Variants in MTMR3 observed in about 807,000 individuals in gnomAD.
MTMR3 encodes phosphatidylinositol-3,5-bisphosphate 3-phosphatase MTMR3.
Under a neutral mutation model 132.4 loss-of-function variants are expected in MTMR3, and 32 were observed. The observed-to-expected ratio is 0.24, with a 90% CI of 0.18 to 0.32. The LOEUF is 0.32. MTMR3 is among the 10% of genes least tolerant of loss of function. The pLI is 1.00. For missense variants in MTMR3, 1,216 were observed against 1,489.6 expected, an observed-to-expected ratio of 0.82 and a Z score of 3.02; for synonymous variants, 556 against 550.3, an observed-to-expected ratio of 1.01 and a Z score of -0.14.
intron 1 of MTMR3, among the ~76,000 whole-genome samples, chr22:29,904,290 C>G (rs573312702): frequency 3.3e-5 from 5 of 152,220 alleles, no homozygotes; most frequent in Non-Finnish European, 7.3e-5. Context: ...TATATTGTTA[C>G]TTCTACTTTA....
intron 9 of MTMR3, chr22:30,005,862 CAT>C (rs779503001): frequency 2.0e-5 from 3 of 152,192 alleles, no homozygotes; most frequent in East Asian, 1.9e-4. Context: ...GCTAGTAAAA[CAT>C]AGAGTGCTTC....
rs35433786 is a variant in MTMR3 at position 29,948,799 on chromosome 22, T to TAA, written c.-137-8227_-137-8226dup. On this transcript the variant is annotated intron_variant, in intron 1 of 19. Coordinates refer to ENST00000401950, the MANE Select transcript of MTMR3 (RefSeq NM_021090.4). ...GAAATAATAAAAACATATTATTGTC[T>TAA]AAAAAAAAAAAGCCAAAAAACCCAG... Among the ~76,000 whole-genome samples, 277 of 145,458 alleles carry TAA rather than the reference T, an allele frequency of 1.9e-3. 3 individuals are homozygous for TAA. Among genetic ancestry groups the TAA allele is most frequent in the South Asian group, 0.012 (55 of 4,610 alleles).
chr22:30,004,779 C>T (rs1036809633), intron 9 of MTMR3: 21 of 152,206 alleles, frequency 1.4e-4, no homozygotes, highest in African/African-American at 5.1e-4. Context: ...AGAATCGGAT[C>T]CTCCACCATG....
At chr22:29,888,674 G>A (rs1381438329) in intron 1 of MTMR3, among the ~76,000 whole-genome samples, 3 of 151,918 alleles carry the variant, frequency 2.0e-5, no homozygotes, top group East Asian at 1.9e-4. Context: ...TGATAACTAC[G>A]GATATTCAGA....
At chr22:29,968,419 T>G (rs2066471628) in intron 2 of MTMR3, among the ~76,000 whole-genome samples, 1 of 152,216 alleles carries the variant, frequency 6.6e-6, no homozygotes, top group Non-Finnish European at 1.5e-5. Flanking sequence ...ATTAGGACAG[T>G]TTTTTAAAAG....
At chr22:29,933,076 C>T (rs1231863742) in intron 1 of MTMR3, among the ~76,000 whole-genome samples, 1 of 152,142 alleles carries the variant, frequency 6.6e-6, no homozygotes. Flanking sequence ...TCAAGCGATT[C>T]TCCTGCTTCA....
intron 14 of MTMR3, chr22:30,015,801 A>G (rs994589192): frequency 2.0e-5 from 3 of 152,090 alleles, no homozygotes; most frequent in Admixed American, 1.3e-4. Context: ...TTCATTTCCT[A>G]CCATTCTCCC....
chr22:29,967,981 G>T (rs906429249), intron 2 of MTMR3, among the ~76,000 whole-genome samples: 2 of 151,440 alleles, frequency 1.3e-5, no homozygotes, highest in African/African-American at 4.9e-5. Context: ...CATTTTGTTT[G>T]TCCATTCATT....
chr22:29,915,719 C>T (rs9625883), intron 1 of MTMR3, among the ~76,000 whole-genome samples: 15,798 of 152,060 alleles, frequency 0.1, 845 homozygotes, highest in Middle Eastern at 0.14. Context: ...CCACTGCGCC[C>T]GGCTGACAGT....
chr22:30,026,245 C>T lies in MTMR3; in HGVS notation c.*444C>T, dbSNP rs562324994. 9 of 168,938 alleles carry T rather than the reference C, an allele frequency of 5.3e-5. No individual in the cohort carries two copies. Among genetic ancestry groups the T allele is most frequent in the Non-Finnish European group, 6.5e-5 (5 of 77,358 alleles). 10.5% of individuals were successfully genotyped at this position (168,938 alleles called of 1,614,324 possible). A position where few individuals can be genotyped will look rare whatever the true frequency, so the allele number is the denominator to read the frequency against. On this transcript the variant is annotated 3_prime_UTR_variant, in exon 20 of 20. Transcript: ENST00000401950. ...AACATGCAACCATTCCTCACGCCAC[C>T]GCCACATCAGAGCTGGTTGGGAACC...
chr22:29,941,780 T>TA (rs2065861942), intron 1 of MTMR3, among the ~76,000 whole-genome samples: 1 of 152,210 alleles, frequency 6.6e-6, no homozygotes, highest in Non-Finnish European at 1.5e-5. Flanking sequence ...ATTACCATCT[T>TA]AACCATTTTA....
At chr22:30,021,945 C>T in intron 17 of MTMR3, 84 bp from the exon 18 acceptor site, 2 of 1,092,480 alleles carry the variant, frequency 1.8e-6, no homozygotes, top group Non-Finnish European at 2.8e-6. Flanking sequence ...CCAGAGTCCT[C>T]AGTTCTCCCT....
intron 7 of MTMR3, chr22:29,997,990 G>A (rs1277876481): frequency 6.6e-6 from 1 of 152,174 alleles, no homozygotes; most frequent in Non-Finnish European, 1.5e-5. Context: ...TGGACCAAAG[G>A]GTTTTGGATG....
chr22:29,999,384 T>G (rs1169605775), intron 8 of MTMR3: 1 of 152,286 alleles, frequency 6.6e-6, no homozygotes, highest in African/African-American at 2.4e-5. Flanking sequence ...ATGAACATAA[T>G]GAGATTATCT....
chr22:29,950,576 C>T (rs2066056368), intron 1 of MTMR3, among the ~76,000 whole-genome samples: 1 of 151,926 alleles, frequency 6.6e-6, no homozygotes, highest in Non-Finnish European at 1.5e-5. Flanking sequence ...GTTAGTCAGG[C>T]CGGTCTCAAA....
chr22:29,967,375 C>T (rs193234814), intron 2 of MTMR3, among the ~76,000 whole-genome samples: 36 of 151,840 alleles, frequency 2.4e-4, no homozygotes, highest in African/African-American at 8.2e-4. Context: ...GTGGCTAGGA[C>T]TACAGGTGTG....
intron 1 of MTMR3, among the ~76,000 whole-genome samples, chr22:29,947,402 T>C (rs577072319): frequency 6.6e-6 from 1 of 152,092 alleles, no homozygotes; most frequent in South Asian, 2.1e-4. Context: ...ACAATATACT[T>C]AATATACTCC....
chr22:30,023,521 A>G, intron 19 of MTMR3: 1 of 1,611,394 alleles, frequency 6.2e-7, no homozygotes, highest in Non-Finnish European at 8.5e-7. Context: ...ATGTCTGCAC[A>G]TCTACAATAA....
At chr22:29,906,853 G>T (rs1403094697) in intron 1 of MTMR3, among the ~76,000 whole-genome samples, 1 of 152,050 alleles carries the variant, frequency 6.6e-6, no homozygotes, top group East Asian at 2.0e-4. Context: ...AGAGGCAGAT[G>T]GATCACTTGA....
Sources: gnomAD v4.1 joint callset for allele counts (sites outside exome capture counted in the v4.1 genomes callset) on GRCh38, gnomAD v4.1.1 for gene constraint, MANE v1.5 for transcripts, NCBI Gene and HGNC (gene_info 2026-07-23, HGNC 2026-07-21) for gene names.